Variants in DNAH14 observed in about 807,000 individuals in gnomAD.
The protein encoded by DNAH14 is axonemal beta dynein heavy chain 14.
A neutral mutation model predicts 520.9 loss-of-function variants in DNAH14; 478 were observed. The observed-to-expected ratio is 0.92, with a 90% CI of 0.85 to 0.99. The LOEUF (loss-of-function observed/expected upper bound fraction) is 0.99, where lower values mean the gene tolerates loss of function less well. DNAH14 is among the 50% of genes least tolerant of loss of function. DNAH14 has a pLI of 0.00. For synonymous variants in DNAH14, 1,581 were observed against 1,757.2 expected (o/e 0.90, Z 2.51); for missense variants, 4,831 against 5,234.5 (o/e 0.92, Z 2.38).
At chr1:225,056,195 CTGT>C (rs2148355652) in intron 17 of DNAH14, among the ~76,000 whole-genome samples, 1 of 152,186 alleles carries the variant, frequency 6.6e-6, no homozygotes, top group South Asian at 2.1e-4. Flanking sequence ...TCTCCAGCAC[CTGT>C]TGTTTCCTGA....
intron 38 of DNAH14, among the ~76,000 whole-genome samples, chr1:225,195,916 A>G (rs1246556976): frequency 1.3e-5 from 2 of 152,138 alleles, no homozygotes; most frequent in African/African-American, 4.8e-5. Context: ...TATTGCCACA[A>G]ACTTTTGTAA....
At position 225,377,245 on chromosome 1, in the gene DNAH14, GCCAGTT is replaced by G; in HGVS notation, c.12530_12535del (p.Val4177_Pro4178del). ...AAATGTTAAATTTTCAGATATGTCTGCCAGTTCCAGGATCTGCAAGCATAAAGGACT... is the reference window on the plus strand; with the variant it reads ...AAATGTTAAATTTTCAGATATGTCTGCCAGGATCTGCAAGCATAAAGGACT... On this transcript the variant is annotated inframe_deletion, in exon 79 of 86. Coordinates refer to ENST00000682510, the MANE Select transcript of DNAH14 (RefSeq NM_001367479.1). 1.4e-6 allele frequency: 2 copies of G among 1,387,864 alleles called. No individual in the cohort carries two copies. Among genetic ancestry groups the G allele is most frequent in the Non-Finnish European group, 1.9e-6 (2 of 1,060,778 alleles). 86.0% of individuals were successfully genotyped at this position (1,387,864 alleles called of 1,614,324 possible).
At chr1:225,230,932 AT>A in intron 41 of DNAH14, 140 bp from the exon 42 acceptor site, 1 of 549,858 alleles carries the variant, frequency 1.8e-6, no homozygotes, top group African/African-American at 1.9e-5. Flanking sequence ...TGATAAGTTA[AT>A]TCTCAGATAC....
chr1:225,201,233 GCTAT>G (rs1282668951), intron 38 of DNAH14, among the ~76,000 whole-genome samples: 9 of 151,746 alleles, frequency 5.9e-5, no homozygotes, highest in Non-Finnish European at 1.0e-4. Flanking sequence ...TTTTATTTAT[GCTAT>G]CTATTTCATT....
chr1:224,967,823 G>T, intron 6 of DNAH14: 8 of 1,326,496 alleles, frequency 6.0e-6, no homozygotes, highest in Non-Finnish European at 4.8e-6. Context: ...CAAATACTTT[G>T]TTAATACTTG....
At chr1:224,932,174 C>T (rs1270269239) in intron 1 of DNAH14, among the ~76,000 whole-genome samples, 2 of 152,086 alleles carry the variant, frequency 1.3e-5, no homozygotes, top group African/African-American at 2.4e-5. Context: ...AGGATGGTAT[C>T]TCATTCTGGT....
intron 3 of DNAH14, among the ~76,000 whole-genome samples, chr1:224,955,300 G>A (rs918462872): frequency 1.3e-5 from 2 of 152,022 alleles, no homozygotes; most frequent in African/African-American, 2.4e-5. Flanking sequence ...TAAAAGTAAC[G>A]AATATTACTA....
rs372412698 is a variant in DNAH14 at position 225,119,228 on chromosome 1, G to A, written c.4100G>A (p.Arg1367His). The change falls in exon 26 of 86, where the codon CGT becomes CAT. Residue 1367 changes from arginine to histidine, a missense_variant. Arg to His is a conservative substitution (Grantham distance 29). Transcript: ENST00000682510. Reference sequence around the variant, plus strand: ...TTTGAAACTAATTTTAGGAAAATTCGTGTAAGAAGTGCTGTAGAACAGTGG... The same window carrying A: ...TTTGAAACTAATTTTAGGAAAATTCATGTAAGAAGTGCTGTAGAACAGTGG... ...GEGLVLPKKI[R>H]VRSAVEQWLV... is the part of the protein sequence containing the mutation. 55 of 1,516,918 alleles carry A rather than the reference G, an allele frequency of 3.6e-5. No homozygotes were observed. Among genetic ancestry groups the A allele is most frequent in the African/African-American group, 4.2e-5 (3 of 71,894 alleles). 94.0% of individuals were successfully genotyped at this position (1,516,918 alleles called of 1,614,324 possible).
At position 225,222,876 on chromosome 1, in the gene DNAH14, C is replaced by T. The variant is rs138723981; in HGVS notation, c.6440-8197C>T. The stretch of plus-strand genomic sequence containing the variant: ...TACACTAGACATAGAGCTCTGGGAA[C>T]AAGTGGGGAGAAATTTTAAACAAGA... On this transcript the variant is annotated intron_variant, in intron 41 of 85. Transcript: ENST00000682510. 2.0e-3 allele frequency among the ~76,000 whole-genome samples: 304 copies of T among 152,172 alleles called. 6 individuals are homozygous for T. The highest frequency in any genetic ancestry group is 0.015 in the East Asian group (76 of 5,170).
intron 43 of DNAH14, among the ~76,000 whole-genome samples, chr1:225,249,190 TG>T (rs1161800050): frequency 2.6e-5 from 4 of 152,206 alleles, no homozygotes; most frequent in Admixed American, 2.0e-4. Context: ...GCTTCAAAGA[TG>T]CAGGTATGAG....
At chr1:225,170,374 C>A (rs557935028) in intron 36 of DNAH14, among the ~76,000 whole-genome samples, 82 of 152,232 alleles carry the variant, frequency 5.4e-4, no homozygotes, top group Non-Finnish European at 9.0e-4. Context: ...TCAGGAGACC[C>A]ATCTCACGTG....
intron 11 of DNAH14, among the ~76,000 whole-genome samples, chr1:225,031,754 A>G (rs974684114): frequency 1.3e-5 from 2 of 151,964 alleles, no homozygotes; most frequent in African/African-American, 4.8e-5. Context: ...TTTTAAATAC[A>G]TTTTTAGTTG....
At chr1:225,022,939 C>T (rs1193366994) in intron 10 of DNAH14, among the ~76,000 whole-genome samples, 3 of 152,152 alleles carry the variant, frequency 2.0e-5, no homozygotes, top group Non-Finnish European at 4.4e-5. Flanking sequence ...ATGTCCTTTG[C>T]AGCAGCATGA....
rs148667443 is a variant in DNAH14 at position 225,028,363 on chromosome 1, T to G, written c.1358+4498T>G. On this transcript the variant is annotated intron_variant, in intron 11 of 85. Coordinates refer to ENST00000682510, the MANE Select transcript of DNAH14 (RefSeq NM_001367479.1). ...TTCTTGATACAGTTTTGGTAATTTA[T>G]GTCTTTCTAGGATTTTGTCCATTTT... Among the ~76,000 whole-genome samples the G allele has an allele frequency of 5.9e-3, 891 of 152,232 alleles. 11 individuals carry two copies. Among genetic ancestry groups the G allele is most frequent in the African/African-American group, 0.021 (856 of 41,574 alleles).
intron 38 of DNAH14, among the ~76,000 whole-genome samples, chr1:225,199,389 G>A (rs978257375): frequency 2.6e-5 from 4 of 151,794 alleles, no homozygotes; most frequent in African/African-American, 7.3e-5. Flanking sequence ...TTTGGGTTTG[G>A]TTTGTTCTTG....
intron 35 of DNAH14, among the ~76,000 whole-genome samples, chr1:225,162,337 G>T (rs192405438): frequency 6.6e-6 from 1 of 152,014 alleles, no homozygotes; most frequent in East Asian, 1.9e-4. Context: ...GTTTTGTTCC[G>T]TTCGTCTGTA....
intron 17 of DNAH14, among the ~76,000 whole-genome samples, chr1:225,057,005 T>C (rs927751222): frequency 6.6e-6 from 1 of 152,290 alleles, no homozygotes; most frequent in Non-Finnish European, 1.5e-5. Context: ...GATTGACTTG[T>C]CAATGCGGGC....
intron 54 of DNAH14, among the ~76,000 whole-genome samples, chr1:225,288,789 A>G (rs778336181): frequency 1.2e-4 from 18 of 152,306 alleles, no homozygotes; most frequent in South Asian, 8.3e-4. Flanking sequence ...TTGAATGGCT[A>G]TAATCAAAAA....
chr1:224,992,636 G>T (rs755731739), intron 8 of DNAH14, among the ~76,000 whole-genome samples: 3 of 151,962 alleles, frequency 2.0e-5, no homozygotes, highest in Non-Finnish European at 4.4e-5. Flanking sequence ...TTTTCCTTAA[G>T]AACATGTTGT....
Sources: allele counts gnomAD v4.1 joint callset (sites outside exome capture counted in the v4.1 genomes callset), GRCh38; gene constraint gnomAD v4.1.1; transcripts MANE v1.5; gene names NCBI Gene and HGNC (gene_info 2026-07-23, HGNC 2026-07-21).